Variants in UNC79 observed in about 807,000 individuals in gnomAD.
The protein encoded by UNC79 is protein unc-79 homolog.
UNC79 carries 37 observed loss-of-function variants against 283.1 expected under a neutral mutation model. That is an observed-to-expected ratio of 0.13 (90% confidence interval 0.10 to 0.17). UNC79 has a LOEUF of 0.17. Among genes scored for constraint, UNC79 ranks in the 10% least tolerant of loss-of-function variants. UNC79 has a pLI of 1.00. For synonymous variants in UNC79, 1,107 were observed against 1,200.2 expected, an observed-to-expected ratio of 0.92 and a Z score of 1.61; for missense variants, 2,272 against 3,211.1, an observed-to-expected ratio of 0.71 and a Z score of 7.07.
chr14:93,618,199 A>G, exon 29 of UNC79: 1 of 1,613,190 alleles, frequency 6.2e-7, no homozygotes, highest in Non-Finnish European at 8.5e-7. Context: ...CAGTATCCAT[A>G]CCGAGACTGT....
chr14:93,498,531 T>A (rs367753567), intron 7 of UNC79, among the ~76,000 whole-genome samples: 14 of 151,712 alleles, frequency 9.2e-5, no homozygotes, highest in African/African-American at 2.2e-4. Context: ...GCAGAGGCTG[T>A]GGTGAGCCGA....
At chr14:93,624,165 G>T (rs986501503) in intron 30 of UNC79, among the ~76,000 whole-genome samples, 6 of 152,144 alleles carry the variant, frequency 3.9e-5, no homozygotes, top group Non-Finnish European at 4.4e-5. Context: ...AATGCACTCG[G>T]CTTTTTTATT....
chr14:93,461,556 A>G (rs2056964089), intron 1 of UNC79, among the ~76,000 whole-genome samples: 1 of 151,954 alleles, frequency 6.6e-6, no homozygotes, highest in Non-Finnish European at 1.5e-5. Flanking sequence ...GGCTATTTTT[A>G]TAGACAAAGT....
At chr14:93,704,729 G>A (rs2141094180) in intron 48 of UNC79, 63 bp downstream of exon 51, 2 of 1,577,290 alleles carry the variant, frequency 1.3e-6, no homozygotes, top group Non-Finnish European at 1.7e-6. Context: ...AACGTTCCTA[G>A]GGATTGTTGA....
exon 27 of UNC79, chr14:93,612,831 G>A (rs746812541): frequency 1.5e-5 from 24 of 1,613,956 alleles, no homozygotes; most frequent in Non-Finnish European, 1.9e-5. Context: ...ACACCATCAA[G>A]GACCTGCTCC....
At chr14:93,586,609 T>C (rs1186069816) in exon 21 of UNC79, 1 of 1,613,774 alleles carries the variant, frequency 6.2e-7, no homozygotes, top group Non-Finnish European at 8.5e-7. Context: ...TAAAGAATGA[T>C]ACCGAAAGAA....
At chr14:93,686,323 G>C (rs771676088) in intron 42 of UNC79, among the ~76,000 whole-genome samples, 21 of 152,172 alleles carry the variant, frequency 1.4e-4, no homozygotes, top group Admixed American at 1.3e-4. Flanking sequence ...CAATTACCCA[G>C]TGGATAAAAG....
intron 1 of UNC79, among the ~76,000 whole-genome samples, chr14:93,413,039 T>C (rs1241667239): frequency 6.6e-6 from 1 of 152,134 alleles, no homozygotes; most frequent in Non-Finnish European, 1.5e-5. Flanking sequence ...TTATTTTTTT[T>C]ATTATTATTA....
At chr14:93,672,968 G>A (rs2073018801) in intron 40 of UNC79, among the ~76,000 whole-genome samples, 1 of 152,132 alleles carries the variant, frequency 6.6e-6, no homozygotes, top group Admixed American at 6.5e-5. Context: ...TCCTTGGAGA[G>A]GTCACAGAAT....
chr14:93,628,053 A>G (rs528806591), intron 30 of UNC79, among the ~76,000 whole-genome samples: 24 of 152,312 alleles, frequency 1.6e-4, no homozygotes, highest in African/African-American at 5.8e-4. Context: ...GTAGTATTTT[A>G]CACTCCTATT....
intron 1 of UNC79, among the ~76,000 whole-genome samples, chr14:93,412,059 T>G (rs2055347065): frequency 6.6e-6 from 1 of 152,154 alleles, no homozygotes; most frequent in African/African-American, 2.4e-5. Flanking sequence ...AGACAAGGAA[T>G]TCAGAATTTT....
chr14:93,440,987 T>G (rs2056280815), intron 1 of UNC79, among the ~76,000 whole-genome samples: 1 of 152,130 alleles, frequency 6.6e-6, no homozygotes. Context: ...ATACCTTTTA[T>G]TAATTTTTAG....
chr14:93,565,762 G>A lies in UNC79; in HGVS notation c.1756-6132G>A, dbSNP rs1404063170. The stretch of plus-strand genomic sequence containing the variant: ...TTCCCCACAAGGTGTGGCAAAGGGA[G>A]GGAGAATACTTAGAAGACTTAAAGA... On this transcript the variant is annotated intron_variant, in intron 14 of 48. Coordinates refer to ENST00000555664, the Ensembl canonical transcript of UNC79. Among the ~76,000 whole-genome samples the A allele has an allele frequency of 3.3e-5, 5 of 152,188 alleles. 1 individual carries two copies.
chr14:93,431,437 A>G (rs1215566655), intron 1 of UNC79, among the ~76,000 whole-genome samples: 11 of 151,976 alleles, frequency 7.2e-5, no homozygotes, highest in African/African-American at 2.7e-4. Context: ...GGGAACTGTC[A>G]GTTGCAACCA....
intron 1 of UNC79, among the ~76,000 whole-genome samples, chr14:93,368,035 G>C (rs1456756399): frequency 1.3e-5 from 2 of 152,158 alleles, no homozygotes; most frequent in Non-Finnish European, 2.9e-5. Flanking sequence ...CTTAATCTTT[G>C]TTCCTATTTG....
intron 26 of UNC79, among the ~76,000 whole-genome samples, chr14:93,604,460 AAC>A (rs912040861): frequency 4.4e-4 from 67 of 152,336 alleles, no homozygotes; most frequent in African/African-American, 1.6e-3. Flanking sequence ...AGTAATCAAT[AAC>A]ACAGTTTTTC....
chr14:93,622,316 G>T, exon 30 of UNC79: 1 of 1,614,158 alleles, frequency 6.2e-7, no homozygotes. Flanking sequence ...TTGTTCCAAA[G>T]ACTTTTCTTC....
intron 1 of UNC79, among the ~76,000 whole-genome samples, chr14:93,360,325 C>T (rs8003651): frequency 0.058 from 8,774 of 152,196 alleles, 898 homozygotes; most frequent in African/African-American, 0.2. Flanking sequence ...TTAGTGCCAC[C>T]ATCAAGGATT....
At chr14:93,428,912 G>T (rs772830409), upstream of UNC79, among the ~76,000 whole-genome samples, 1 of 152,176 alleles carries the variant, frequency 6.6e-6, no homozygotes, top group Non-Finnish European at 1.5e-5. Context: ...CTCAGTCCAT[G>T]ACTTAACACC....
Sources: gnomAD v4.1 joint callset for allele counts (sites outside exome capture counted in the v4.1 genomes callset) on GRCh38, gnomAD v4.1.1 for gene constraint, MANE v1.5 for transcripts, NCBI Gene and HGNC (gene_info 2026-07-23, HGNC 2026-07-21) for gene names.